The following RBM25 variants were observed in gnomAD, a reference collection of about 807,000 sequenced individuals.
RBM25 encodes RNA binding motif protein 25, also known as RNA-binding protein 25.
RBM25 carries 19 observed loss-of-function variants against 120.7 expected under a neutral mutation model. That is an observed-to-expected ratio of 0.16 (90% CI 0.11 to 0.23). The LOEUF (loss-of-function observed/expected upper bound fraction) is 0.23, where lower values mean the gene tolerates loss of function less well. RBM25 is among the 10% of genes least tolerant of loss of function. RBM25 has a pLI of 1.00. For missense variants in RBM25, 605 were observed against 1,041.5 expected, an observed-to-expected ratio of 0.58 and a Z score of 5.77; for synonymous variants, 390 against 326.7, an observed-to-expected ratio of 1.19 and a Z score of -2.09.
intron 1 of RBM25, among the ~76,000 whole-genome samples, chr14:73,060,005 GTCCAACCCTGACTCTGTAATTTTTTTT>G (rs1181324002): frequency 6.6e-6 from 1 of 151,984 alleles, no homozygotes; most frequent in Non-Finnish European, 1.5e-5. Context: ...AAATGTAAGA[GTCCAACCCTGACTCTGTAATTTTTTTT>G]TTTGTTTTGT....
chr14:73,076,246 A>T (rs1274009828), intron 2 of RBM25, 73 bp from the exon 3 acceptor site: 1 of 1,181,594 alleles, frequency 8.5e-7, no homozygotes, highest in African/African-American at 1.5e-5. Context: ...ATGAGTAAGG[A>T]TACTTAATTG....
At chr14:73,103,994 A>ACACC (rs1339176135) in intron 10 of RBM25, among the ~76,000 whole-genome samples, 1 of 99,394 alleles carries the variant, frequency 1.0e-5, no homozygotes, top group Non-Finnish European at 2.0e-5. Flanking sequence ...ACACACACAC[A>ACACC]CTCTCTCTCT....
At chr14:73,118,374 A>G (rs1180487279) in intron 18 of RBM25, among the ~76,000 whole-genome samples, 1 of 151,380 alleles carries the variant, frequency 6.6e-6, no homozygotes, top group African/African-American at 2.4e-5. Flanking sequence ...GCTACTGGTG[A>G]GGCTGATGTG....
chr14:73,078,620 A>T (rs968278527), intron 4 of RBM25, among the ~76,000 whole-genome samples: 2 of 152,134 alleles, frequency 1.3e-5, no homozygotes, highest in Non-Finnish European at 1.5e-5. Flanking sequence ...ATTTTTATTT[A>T]CTTTTGAGAC....
chr14:73,120,004 CTT>C lies in RBM25; in HGVS notation c.*201_*202del, dbSNP rs1393143559. 7.8e-6 allele frequency: 5 copies of C among 644,768 alleles called. No homozygotes were observed. Among genetic ancestry groups the C allele is most frequent in the Non-Finnish European group, 1.1e-5 (5 of 437,152 alleles). 39.9% of individuals were successfully genotyped at this position (644,768 alleles called of 1,614,324 possible). ...TAAAGTCATCTGAATCCTTGGTTCT[CTT>C]TATACTCACCAGGTACAAATTACTG... is the stretch of plus-strand genomic sequence containing the variant. On this transcript the variant is annotated 3_prime_UTR_variant, in exon 19 of 19. Transcript: ENST00000261973.
chr14:73,068,544 C>A, intron 1 of RBM25: 1 of 712,390 alleles, frequency 1.4e-6, no homozygotes, highest in South Asian at 1.3e-5. Flanking sequence ...ATTAGATGAC[C>A]AATTCTTTGG....
intron 10 of RBM25, among the ~76,000 whole-genome samples, chr14:73,103,992 A>ACT (rs1202202198): frequency 9.4e-3 from 1,065 of 113,458 alleles, no homozygotes; most frequent in South Asian, 0.029. Flanking sequence ...ACACACACAC[A>ACT]CACTCTCTCT....
chr14:73,114,729 A>G (rs1051674575), intron 18 of RBM25, among the ~76,000 whole-genome samples: 2 of 152,120 alleles, frequency 1.3e-5, no homozygotes, highest in African/African-American at 4.8e-5. Flanking sequence ...CCCCGTCTCT[A>G]TGAAAAATAC....
intron 2 of RBM25, 59 bp downstream of exon 2, chr14:73,071,806 AACTT>A (rs2140427592): frequency 7.4e-7 from 1 of 1,351,620 alleles, no homozygotes; most frequent in South Asian, 1.2e-5. Context: ...TTGTGATACT[AACTT>A]CAGGAAAATG....
At position 73,061,098 on chromosome 14, in the gene RBM25, C is replaced by G. The variant is rs186527040; in HGVS notation, c.-16+2393C>G. 3.9e-3 allele frequency among the ~76,000 whole-genome samples: 590 copies of G among 150,218 alleles called. 25 individuals are homozygous for G. Among genetic ancestry groups the G allele is most frequent in the Non-Finnish European group, 6.5e-3 (438 of 67,074 alleles). On this transcript the variant is annotated intron_variant, in intron 1 of 18. Coordinates refer to ENST00000261973, the MANE Select transcript of RBM25 (RefSeq NM_021239.3). ...TTGGAGATGGAGTCTCGCTCTGTCACCCAGGCTGGAGTGTAGTGGCGCGAT... is the reference window on the plus strand; with the variant it reads ...TTGGAGATGGAGTCTCGCTCTGTCAGCCAGGCTGGAGTGTAGTGGCGCGAT...
At chr14:73,116,073 T>G (rs1051884891) in intron 18 of RBM25, among the ~76,000 whole-genome samples, 5 of 144,730 alleles carry the variant, frequency 3.5e-5, no homozygotes, top group South Asian at 4.3e-4. Context: ...CATGGAGTTG[T>G]TTTTTTTTTT....
At chr14:73,063,889 A>G (rs1895064538) in intron 1 of RBM25, among the ~76,000 whole-genome samples, 3 of 151,492 alleles carry the variant, frequency 2.0e-5, no homozygotes, top group South Asian at 2.1e-4. Context: ...CACTCTACTC[A>G]TAATACTCAG....
intron 1 of RBM25, among the ~76,000 whole-genome samples, chr14:73,069,459 T>G (rs1228016887): frequency 6.6e-6 from 1 of 152,056 alleles, no homozygotes; most frequent in African/African-American, 2.4e-5. Context: ...TTGTTTGTTT[T>G]TTGAGATGGA....
In RBM25 at chr14:73,083,490, T is replaced by G; in HGVS notation, c.325-4T>G. The G allele has an allele frequency of 6.4e-7, 1 of 1,568,330 alleles. No homozygotes were observed. Among genetic ancestry groups the G allele is most frequent in the Non-Finnish European group, 8.6e-7 (1 of 1,166,694 alleles). ...CAATCTGTTTGTTTTGTTTTCTTTTTAAGAAATGTGGTTTGGTTTTGAGCT... is the reference window on the plus strand; with the variant it reads ...CAATCTGTTTGTTTTGTTTTCTTTTGAAGAAATGTGGTTTGGTTTTGAGCT... On this transcript the variant is annotated splice_polypyrimidine_tract_variant and splice_region_variant and intron_variant, in intron 4 of 18. Transcript: ENST00000261973.
chr14:73,087,896 G>A, intron 5 of RBM25, 105 bp from the exon 6 acceptor site: 2 of 1,098,298 alleles, frequency 1.8e-6, no homozygotes, highest in Non-Finnish European at 2.6e-6. Context: ...GAATTGAGTG[G>A]TCTTTGTATT....
intron 1 of RBM25, among the ~76,000 whole-genome samples, chr14:73,067,067 A>ATTTTT (rs375705058): frequency 2.3e-5 from 3 of 131,192 alleles, no homozygotes; most frequent in Non-Finnish European, 3.2e-5. Context: ...GATACATATA[A>ATTTTT]TTTTTTTTTT....
At chr14:73,081,204 A>G (rs1895555701) in intron 4 of RBM25, among the ~76,000 whole-genome samples, 1 of 148,512 alleles carries the variant, frequency 6.7e-6, no homozygotes, top group African/African-American at 2.6e-5. Context: ...CAGTGGCACG[A>G]TCTCAGCTCA....
intron 7 of RBM25, among the ~76,000 whole-genome samples, chr14:73,098,863 C>T (rs1896004033): frequency 6.6e-6 from 1 of 152,062 alleles, no homozygotes; most frequent in Non-Finnish European, 1.5e-5. Flanking sequence ...AGGATGGTCT[C>T]GATCTGCTGA....
At chr14:73,076,264 T>A in intron 2 of RBM25, 55 bp from the exon 3 acceptor site, 2 of 1,377,282 alleles carry the variant, frequency 1.5e-6, no homozygotes, top group Middle Eastern at 3.6e-4. Flanking sequence ...TTGTGTGGCA[T>A]GTTGTTGATA....
Sources: gnomAD v4.1 joint callset for allele counts (sites outside exome capture counted in the v4.1 genomes callset) on GRCh38, gnomAD v4.1.1 for gene constraint, MANE v1.5 for transcripts, NCBI Gene and HGNC (gene_info 2026-07-23, HGNC 2026-07-21) for gene names.